SLC35D1: variants seen among roughly 807,000 people sequenced by gnomAD.
SLC35D1 encodes the protein solute carrier family 35 member D1.
In SLC35D1, 31 loss-of-function variants were observed where a neutral mutation model predicts 46.7. The observed-to-expected ratio is 0.66, with a 90% CI of 0.50 to 0.90. The LOEUF (loss-of-function observed/expected upper bound fraction) is 0.90. Ranked by LOEUF, SLC35D1 falls within the 40% of genes least tolerant of loss-of-function variation. SLC35D1 has a pLI of 0.00. For missense variants in SLC35D1, 397 were observed against 426.2 expected (o/e 0.93, Z 0.60); for synonymous variants, 195 against 164.6 (o/e 1.18, Z -1.41).
the SLC35D1 span, among the ~76,000 whole-genome samples, chr1:66,973,341 TTTAA>T: frequency 6.6e-6 from 1 of 152,102 alleles, no homozygotes; most frequent in African/African-American, 2.4e-5. Flanking sequence ...ATTTGGAAAC[TTTAA>T]AGCACTTTCA....
intron 7 of SLC35D1, among the ~76,000 whole-genome samples, chr1:67,045,323 G>C (rs1472115698): frequency 6.6e-6 from 1 of 152,134 alleles, no homozygotes; most frequent in Non-Finnish European, 1.5e-5. Flanking sequence ...ACACTGTTAC[G>C]CATCATAAAT....
chr1:66,987,286 A>G, the SLC35D1 span: 1 of 151,650 alleles, frequency 6.6e-6, no homozygotes, highest in Admixed American at 6.6e-5. Context: ...TAGTAATATC[A>G]TGAATTTAAT....
In SLC35D1 at chr1:67,001,347, T is replaced by C. The variant is rs1345363823; in HGVS notation, c.*2993A>G. On this transcript the variant is annotated 3_prime_UTR_variant, in exon 12 of 12. Transcript: ENST00000235345. ...AAAAAACTAGGTGCAAACTGGAGCC[T>C]ACAAATGATTGACTCATAAAGTCCA... 6.6e-6 allele frequency: 1 copy of C among 151,998 alleles called. No individual in the cohort carries two copies. The allele number at this position is 151,998 out of a possible 1,614,324, so 9.4% of individuals were successfully genotyped here.
At chr1:67,032,191 T>C (rs1181777751) in intron 8 of SLC35D1, 1 of 593,390 alleles carries the variant, frequency 1.7e-6, no homozygotes, top group Admixed American at 6.3e-5. Flanking sequence ...GGTGCCAGTA[T>C]AATGTAAATA....
downstream of SLC35D1, among the ~76,000 whole-genome samples, chr1:66,996,174 A>C (rs6673462): frequency 0.22 from 33,174 of 152,156 alleles, 3,973 homozygotes; most frequent in Non-Finnish European, 0.26. Context: ...CCCTCAGTAA[A>C]TACTGCTTTT....
the SLC35D1 span, chr1:66,981,718 CCT>C: frequency 2.9e-6 from 4 of 1,363,000 alleles, no homozygotes; most frequent in Admixed American, 6.4e-5. Flanking sequence ...CTGAATTTAA[CCT>C]CAACTAATTT....
At chr1:67,019,807 A>G (rs901733994) in intron 10 of SLC35D1, among the ~76,000 whole-genome samples, 2 of 152,218 alleles carry the variant, frequency 1.3e-5, no homozygotes, top group Admixed American at 1.3e-4. Context: ...CAAGCCACCA[A>G]CTTTAGCTCA....
At chr1:67,029,404 T>C (rs1159687533) in intron 8 of SLC35D1, among the ~76,000 whole-genome samples, 1 of 152,246 alleles carries the variant, frequency 6.6e-6, no homozygotes, top group Non-Finnish European at 1.5e-5. Context: ...AATCTCATGC[T>C]ACGCTCCTTC....
intron 7 of SLC35D1, 35 bp from the exon 8 acceptor site, chr1:67,042,363 T>A (rs1482550549): frequency 6.3e-7 from 1 of 1,580,894 alleles, no homozygotes; most frequent in Admixed American, 1.7e-5. Context: ...TTCATCTGCG[T>A]TTTGTTCTAG....
chr1:67,049,669 T>C, intron 6 of SLC35D1, 113 bp downstream of exon 6: 1 of 990,776 alleles, frequency 1.0e-6, no homozygotes, highest in Non-Finnish European at 1.6e-6. Flanking sequence ...CTAGATGCTT[T>C]TCAAAGATAT....
chr1:67,032,324 C>T (rs1273805483), intron 8 of SLC35D1, among the ~76,000 whole-genome samples: 2 of 151,602 alleles, frequency 1.3e-5, no homozygotes, highest in Non-Finnish European at 2.9e-5. Context: ...TTTTAAATAA[C>T]ATGGTAGGTA....
the SLC35D1 span, among the ~76,000 whole-genome samples, chr1:66,978,060 G>C: frequency 6.6e-6 from 1 of 152,020 alleles, no homozygotes; most frequent in South Asian, 2.1e-4. Context: ...AGCTGATGTG[G>C]TGGTGCACGC....
At chr1:67,017,739 A>T (rs962050459) in intron 10 of SLC35D1, among the ~76,000 whole-genome samples, 2 of 152,198 alleles carry the variant, frequency 1.3e-5, no homozygotes, top group Non-Finnish European at 2.9e-5. Context: ...CTTATTAAAG[A>T]TCTGTTTCCC....
At position 67,000,937 on chromosome 1, in the gene SLC35D1, A is replaced by G. The variant is rs1363569450; in HGVS notation, c.*3403T>C. On this transcript the variant is annotated 3_prime_UTR_variant, in exon 12 of 12. Transcript: ENST00000235345. The stretch of plus-strand genomic sequence containing the variant: ...CTGTGGGGCGTCCCTAAAATCAGTG[A>G]TACTCATAACCATGCAGGCAGCTCT... 5.3e-5 allele frequency: 8 copies of G among 152,348 alleles called. No individual in the cohort carries two copies. The highest frequency in any genetic ancestry group is 5.2e-4 in the Admixed American group (8 of 15,284). The allele number at this position is 152,348 out of a possible 1,614,324, so 9.4% of individuals were successfully genotyped here.
chr1:66,977,765 C>T, the SLC35D1 span, among the ~76,000 whole-genome samples: 1 of 151,952 alleles, frequency 6.6e-6, no homozygotes, highest in African/African-American at 2.4e-5. Context: ...ATTAACTTTA[C>T]AGTGCTATCC....
chr1:67,025,161 T>G (rs754942214), intron 8 of SLC35D1, among the ~76,000 whole-genome samples: 3 of 152,182 alleles, frequency 2.0e-5, no homozygotes, highest in Non-Finnish European at 4.4e-5. Flanking sequence ...CAAAATAAGA[T>G]TTATTGTGAG....
chr1:67,020,994 C>T (rs753087466), intron 9 of SLC35D1, among the ~76,000 whole-genome samples: 2 of 152,136 alleles, frequency 1.3e-5, no homozygotes, highest in Non-Finnish European at 2.9e-5. Context: ...TTTTGAAGCA[C>T]CTGCTCACTG....
intron 10 of SLC35D1, among the ~76,000 whole-genome samples, chr1:67,018,745 A>G (rs1667736222): frequency 6.6e-6 from 1 of 152,208 alleles, no homozygotes; most frequent in Admixed American, 6.6e-5. Context: ...CAAGCACAGA[A>G]GGAAGCTTAA....
At chr1:67,014,669 AGTT>A (rs1234920742) in intron 10 of SLC35D1, among the ~76,000 whole-genome samples, 3 of 50,512 alleles carry the variant, frequency 5.9e-5, no homozygotes, top group South Asian at 1.5e-3. Flanking sequence ...TTCAATTTTT[AGTT>A]TTTTTTTTTT....
Sources: gnomAD v4.1 joint callset for allele counts (sites outside exome capture counted in the v4.1 genomes callset) on GRCh38, gnomAD v4.1.1 for gene constraint, MANE v1.5 for transcripts, NCBI Gene and HGNC (gene_info 2026-07-23, HGNC 2026-07-21) for gene names.